Variants in CAPRIN1 observed in about 807,000 individuals in gnomAD.
The protein encoded by CAPRIN1 is caprin-1.
A neutral mutation model predicts 100.9 loss-of-function variants in CAPRIN1; 29 were observed. The observed-to-expected ratio is 0.29, with a 90% CI of 0.21 to 0.39. The LOEUF (loss-of-function observed/expected upper bound fraction) is 0.39, where lower values mean the gene tolerates loss of function less well. CAPRIN1 is among the 10% of genes least tolerant of loss of function. CAPRIN1 has a pLI of 1.00. For synonymous variants in CAPRIN1, 338 were observed against 307.5 expected, an observed-to-expected ratio of 1.10 and a Z score of -1.04; for missense variants, 795 against 876.7, an observed-to-expected ratio of 0.91 and a Z score of 1.18.
intron 2 of CAPRIN1, among the ~76,000 whole-genome samples, chr11:34,069,850 G>A (rs1039161039): frequency 1.4e-5 from 2 of 148,062 alleles, no homozygotes; most frequent in Admixed American, 6.8e-5. Context: ...ATTTGGGGTA[G>A]AATGGCTAGG....
chr11:34,053,417 C>T (rs993120946), intron 2 of CAPRIN1: 4 of 152,632 alleles, frequency 2.6e-5, no homozygotes, highest in African/African-American at 9.7e-5. Context: ...GGGCTGGGTC[C>T]TGGGGAGACT....
intron 15 of CAPRIN1, among the ~76,000 whole-genome samples, chr11:34,092,496 A>G (rs1353577474): frequency 6.6e-6 from 1 of 151,722 alleles, no homozygotes; most frequent in Non-Finnish European, 1.5e-5. Context: ...TAGCTTGGGA[A>G]TACACGCATG....
At chr11:34,068,113 A>G (rs947821164) in intron 2 of CAPRIN1, among the ~76,000 whole-genome samples, 4 of 152,144 alleles carry the variant, frequency 2.6e-5, no homozygotes, top group Non-Finnish European at 4.4e-5. Context: ...GTTCATTCAT[A>G]TGTTTGTTGC....
chr11:34,081,511 T>A (rs962540204), intron 7 of CAPRIN1, among the ~76,000 whole-genome samples: 1 of 148,488 alleles, frequency 6.7e-6, no homozygotes, highest in Non-Finnish European at 1.5e-5. Context: ...TTTTTTTTTT[T>A]GAGTCAGAGT....
intron 9 of CAPRIN1, among the ~76,000 whole-genome samples, chr11:34,085,816 A>G (rs1017848175): frequency 5.3e-5 from 8 of 151,782 alleles, no homozygotes; most frequent in Non-Finnish European, 1.2e-4. Context: ...AAGAAAAAAA[A>G]ATAAATAAAT....
At position 34,078,496 on chromosome 11, in the gene CAPRIN1, C is replaced by G. The variant is rs554367198; in HGVS notation, c.689-1132C>G. Among the ~76,000 whole-genome samples the G allele has an allele frequency of 1.3e-4, 20 of 152,294 alleles. No homozygotes were observed. The South Asian group carries it at 3.7e-3, about 28-fold the overall frequency. ...TTGTTTTTGAATATCTTTCGATTGTCTACTTTTTTCTCTTCTACTTTTATA... is the reference window on the plus strand; with the variant it reads ...TTGTTTTTGAATATCTTTCGATTGTGTACTTTTTTCTCTTCTACTTTTATA... On this transcript the variant is annotated intron_variant, in intron 6 of 18. Transcript: ENST00000341394.
intron 11 of CAPRIN1, among the ~76,000 whole-genome samples, chr11:34,087,013 C>T (rs139381594): frequency 2.6e-3 from 395 of 152,160 alleles, no homozygotes; most frequent in African/African-American, 9.2e-3. Flanking sequence ...AAGAGAGAAA[C>T]CACAAGACAG....
intron 15 of CAPRIN1, among the ~76,000 whole-genome samples, chr11:34,094,241 C>T (rs977219831): frequency 8.1e-5 from 12 of 148,120 alleles, no homozygotes; most frequent in Non-Finnish European, 1.5e-4. Context: ...TAGGTTCAAT[C>T]GCTTGGGTTC....
chr11:34,065,471 T>A (rs1225473697), intron 2 of CAPRIN1, among the ~76,000 whole-genome samples: 1 of 152,212 alleles, frequency 6.6e-6, no homozygotes, highest in Non-Finnish European at 1.5e-5. Flanking sequence ...GAGTTTCTGA[T>A]TCAGTAGGTC....
intron 17 of CAPRIN1, 55 bp from the exon 18 acceptor site, chr11:34,097,643 T>C: frequency 6.2e-6 from 10 of 1,602,938 alleles, no homozygotes; most frequent in Non-Finnish European, 8.5e-6. Flanking sequence ...AAAGAATAGA[T>C]GGGTAAGCAT....
In CAPRIN1 at chr11:34,090,246, C is replaced by T. The variant is rs762757969; in HGVS notation, c.1361C>T (p.Ala454Val). ...CAACCCTTGTACCAGCCTTCTCATG[C>T]TACAGAGCAACGACCACAGAAGGAA... ...ASQPLYQPSH[A>V]TEQRPQKEPI... Residue 454 changes from alanine (A) to valine (V), a missense_variant, in exon 13 of 19, where the codon GCT becomes GTT. By Grantham distance (64) the Ala-to-Val change is moderately conservative. Around this residue, in one of 3 missense-constraint regions of CAPRIN1, gnomAD observed 648 missense variants for 697.9 expected, o/e 0.93. Transcript: ENST00000341394. The T allele has an allele frequency of 1.2e-6, 2 of 1,614,034 alleles. No individual in the cohort carries two copies. Among genetic ancestry groups the T allele is most frequent in the Admixed American group, 1.7e-5 (1 of 60,010 alleles).
intron 9 of CAPRIN1, among the ~76,000 whole-genome samples, chr11:34,085,639 G>A (rs993931194): frequency 1.4e-4 from 22 of 151,782 alleles, no homozygotes; most frequent in Non-Finnish European, 2.1e-4. Flanking sequence ...CCCTGTCTCC[G>A]CTAAAAATAC....
intron 15 of CAPRIN1, among the ~76,000 whole-genome samples, chr11:34,093,002 G>T (rs974224743): frequency 6.6e-6 from 1 of 151,740 alleles, no homozygotes; most frequent in African/African-American, 2.4e-5. Context: ...GGGACTACAG[G>T]TGCTTACCGC....
At chr11:34,089,636 T>C (rs1851225953) in intron 12 of CAPRIN1, among the ~76,000 whole-genome samples, 180 bp downstream of exon 12, 1 of 152,126 alleles carries the variant, frequency 6.6e-6, no homozygotes, top group South Asian at 2.1e-4. Flanking sequence ...ATTTTTTCAC[T>C]TTTGTTTTAA....
intron 2 of CAPRIN1, among the ~76,000 whole-genome samples, chr11:34,065,649 G>C (rs1298923579): frequency 1.3e-5 from 2 of 152,204 alleles, no homozygotes; most frequent in African/African-American, 4.8e-5. Context: ...TCCCAGCTCA[G>C]ATTCCATGGT....
At chr11:34,058,714 T>C (rs1850508300) in intron 2 of CAPRIN1, among the ~76,000 whole-genome samples, 3 of 152,350 alleles carry the variant, frequency 2.0e-5, no homozygotes, top group South Asian at 2.1e-4. Flanking sequence ...TCAGGTATCA[T>C]TGGGACATCC....
chr11:34,099,524 C>T lies in CAPRIN1; in HGVS notation c.*157C>T, dbSNP rs1851421678. Reference sequence around the variant, plus strand: ...ATAAAGACAGGACTACAATTGTCAGCTTTCTATTACCTGGATATGGAAGGA... The same window carrying T: ...ATAAAGACAGGACTACAATTGTCAGTTTTCTATTACCTGGATATGGAAGGA... On this transcript the variant is annotated 3_prime_UTR_variant, in exon 19 of 19. Coordinates refer to ENST00000341394, the MANE Select transcript of CAPRIN1 (RefSeq NM_005898.5). 11 of 647,778 alleles carry T rather than the reference C, an allele frequency of 1.7e-5. No individual in the cohort carries two copies. The highest frequency in any genetic ancestry group is 3.0e-5 in the Non-Finnish European group (11 of 364,578). 40.1% of individuals were successfully genotyped at this position (647,778 alleles called of 1,614,324 possible). A position where few individuals can be genotyped will look rare whatever the true frequency, so the allele number is the denominator to read the frequency against.
At chr11:34,082,266 C>T (rs1208038387) in intron 7 of CAPRIN1, among the ~76,000 whole-genome samples, 1 of 152,098 alleles carries the variant, frequency 6.6e-6, no homozygotes, top group Non-Finnish European at 1.5e-5. Context: ...CGGCTCACTG[C>T]AACCTCCATC....
intron 2 of CAPRIN1, among the ~76,000 whole-genome samples, chr11:34,059,671 G>C (rs36117528): frequency 0.1 from 15,659 of 152,108 alleles, 882 homozygotes; most frequent in African/African-American, 0.15. Flanking sequence ...TAAGTACTTG[G>C]TAGTTTGGCC....
Sources: gnomAD v4.1 joint callset for allele counts (sites outside exome capture counted in the v4.1 genomes callset) on GRCh38, gnomAD v4.1.1 for gene constraint, gnomAD v4.1.1 regional missense constraint, MANE v1.5 for transcripts, NCBI Gene and HGNC (gene_info 2026-07-23, HGNC 2026-07-21) for gene names.